Variants in ME1 observed in about 807,000 individuals in gnomAD.
ME1 encodes the protein NADP-dependent malic enzyme.
Under a neutral mutation model 66.4 loss-of-function variants are expected in ME1, and 74 were observed. That is an observed-to-expected ratio of 1.11 (90% CI 0.92 to 1.35). The LOEUF (loss-of-function observed/expected upper bound fraction) is 1.35, where lower values mean the gene tolerates loss of function less well. Ranked by LOEUF, ME1 falls within the 40% of genes most tolerant of loss-of-function variation. The pLI, the probability that ME1 is intolerant of heterozygous loss-of-function variation, is 0.00. For synonymous variants in ME1, 251 were observed against 235.6 expected, an observed-to-expected ratio of 1.07 and a Z score of -0.60; for missense variants, 750 against 694.1, an observed-to-expected ratio of 1.08 and a Z score of -0.90.
chr6:83,255,597 A>T (rs1245088597), intron 6 of ME1, among the ~76,000 whole-genome samples: 1 of 151,924 alleles, frequency 6.6e-6, no homozygotes. Context: ...GCCATAGATT[A>T]AAAAAACAAG....
At chr6:83,291,701 T>C (rs1435656212) in intron 6 of ME1, among the ~76,000 whole-genome samples, 2 of 152,182 alleles carry the variant, frequency 1.3e-5, no homozygotes, top group Non-Finnish European at 2.9e-5. Flanking sequence ...CTGCATAATA[T>C]CCTGAAGAGT....
chr6:83,237,227 A>AAAAGAAAGAAAGAAAGAAGG (rs1790416661), intron 9 of ME1, among the ~76,000 whole-genome samples: 1 of 68,978 alleles, frequency 1.4e-5, no homozygotes, highest in Admixed American at 1.9e-4. Flanking sequence ...ACAGAGAGAG[A>AAAAGAAAGAAAGAAAGAAGG]AAAGAAAGAA....
At position 83,260,704 on chromosome 6, in the gene ME1, T is replaced by A. The variant is rs560574349; in HGVS notation, c.705-6966A>T. On this transcript the variant is annotated intron_variant, in intron 6 of 13. Coordinates refer to ENST00000369705, the MANE Select transcript of ME1 (RefSeq NM_002395.6). ...ATAAGTGAGAACACACAGTACTTGG[T>A]TTTCTGTTCTTGCATTAGTTTGCTA... is the stretch of plus-strand genomic sequence containing the variant. Among the ~76,000 whole-genome samples the A allele has an allele frequency of 8.5e-5, 13 of 152,264 alleles. No individual in the cohort carries two copies. The East Asian group carries it at 2.5e-3, about 29-fold the overall frequency.
chr6:83,408,901 T>C (rs1367903247), intron 1 of ME1, among the ~76,000 whole-genome samples: 3 of 152,194 alleles, frequency 2.0e-5, no homozygotes, highest in African/African-American at 7.2e-5. Context: ...GTTGGTGTTA[T>C]GGTCTGAACA....
At chr6:83,241,167 G>T (rs1212796085) in intron 7 of ME1, among the ~76,000 whole-genome samples, 3 of 152,170 alleles carry the variant, frequency 2.0e-5, no homozygotes, top group Admixed American at 2.0e-4. Flanking sequence ...ACTAGAAAGA[G>T]AGGTATAGAT....
intron 3 of ME1, among the ~76,000 whole-genome samples, chr6:83,375,332 C>T (rs1401920287): frequency 1.3e-5 from 2 of 151,830 alleles, no homozygotes; most frequent in South Asian, 2.1e-4. Context: ...GCTGTATTCC[C>T]GGGTATTTTA....
At chr6:83,403,834 T>A (rs1041819629) in intron 2 of ME1, among the ~76,000 whole-genome samples, 3 of 152,194 alleles carry the variant, frequency 2.0e-5, no homozygotes, top group Non-Finnish European at 2.9e-5. Flanking sequence ...ATTAACTCAT[T>A]CTTTTTAATG....
intron 6 of ME1, among the ~76,000 whole-genome samples, chr6:83,279,109 C>T (rs1767243240): frequency 6.6e-6 from 1 of 152,048 alleles, no homozygotes. Context: ...TGGAAAAATC[C>T]AAAGACAAGA....
chr6:83,229,231 C>T, intron 9 of ME1: 1 of 454,862 alleles, frequency 2.2e-6, no homozygotes, highest in African/African-American at 2.0e-5. Context: ...AACAAATGGC[C>T]ATGCAAAATA....
intron 9 of ME1, among the ~76,000 whole-genome samples, chr6:83,234,807 C>T (rs1272532388): frequency 1.3e-5 from 2 of 152,102 alleles, no homozygotes; most frequent in Non-Finnish European, 2.9e-5. Flanking sequence ...GTTCGGAAAG[C>T]CCTTCATCTC....
At chr6:83,249,024 TACTTA>T (rs1404417848) in intron 7 of ME1, among the ~76,000 whole-genome samples, 3 of 152,194 alleles carry the variant, frequency 2.0e-5, no homozygotes, top group African/African-American at 7.2e-5. Context: ...AAACACAGTT[TACTTA>T]ACTTAGGCAT....
chr6:83,283,287 T>C (rs1767339663), intron 6 of ME1, among the ~76,000 whole-genome samples: 1 of 148,236 alleles, frequency 6.7e-6, no homozygotes, highest in African/African-American at 2.5e-5. Flanking sequence ...TGGATGAAGC[T>C]GGAAACCATC....
chr6:83,312,716 C>T (rs1190465374), intron 6 of ME1, among the ~76,000 whole-genome samples: 1 of 151,950 alleles, frequency 6.6e-6, no homozygotes, highest in Non-Finnish European at 1.5e-5. Flanking sequence ...TGTACTATGT[C>T]CTCTCCTCCA....
intron 1 of ME1, among the ~76,000 whole-genome samples, chr6:83,423,534 C>G (rs933432975): frequency 6.6e-6 from 1 of 152,046 alleles, no homozygotes; most frequent in African/African-American, 2.4e-5. Flanking sequence ...CACAGTGGCT[C>G]AAATCTGTAA....
At chr6:83,244,466 T>C (rs1016624363) in intron 7 of ME1, among the ~76,000 whole-genome samples, 3 of 152,058 alleles carry the variant, frequency 2.0e-5, no homozygotes, top group African/African-American at 7.2e-5. Context: ...ATAGTACCTA[T>C]AGGTATATAT....
intron 1 of ME1, among the ~76,000 whole-genome samples, chr6:83,425,680 T>C (rs1770356901): frequency 6.6e-6 from 1 of 152,146 alleles, no homozygotes; most frequent in East Asian, 1.9e-4. Flanking sequence ...CAAGATGAGA[T>C]TTGGGTAGGA....
At chr6:83,401,516 G>A (rs913777813) in intron 2 of ME1, among the ~76,000 whole-genome samples, 3 of 152,006 alleles carry the variant, frequency 2.0e-5, no homozygotes, top group African/African-American at 7.3e-5. Context: ...AAATGGCCCA[G>A]GAAAAGAATA....
At chr6:83,290,057 G>T (rs1368688006) in intron 6 of ME1, among the ~76,000 whole-genome samples, 2 of 151,600 alleles carry the variant, frequency 1.3e-5, no homozygotes, top group African/African-American at 2.4e-5. Flanking sequence ...GGGCTATTTT[G>T]TTGATCTTTT....
chr6:83,317,161 C>T (rs1051439345), intron 5 of ME1, among the ~76,000 whole-genome samples: 8 of 152,100 alleles, frequency 5.3e-5, no homozygotes, highest in African/African-American at 1.9e-4. Flanking sequence ...ATAGAGGACA[C>T]AGGACTTGCT....
Sources: allele counts gnomAD v4.1 joint callset (sites outside exome capture counted in the v4.1 genomes callset), GRCh38; gene constraint gnomAD v4.1.1; transcripts MANE v1.5; gene names NCBI Gene and HGNC (gene_info 2026-07-23, HGNC 2026-07-21).